The following B4GALNT3 variants were observed in gnomAD, a reference collection of about 807,000 sequenced individuals.
B4GALNT3 encodes beta-1,4-N-acetylgalactosaminyltransferase 3.
A neutral mutation model predicts 120.2 loss-of-function variants in B4GALNT3; 86 were observed. The observed-to-expected ratio is 0.72, with a 90% CI of 0.60 to 0.86. The LOEUF (loss-of-function observed/expected upper bound fraction) is 0.86. Among genes scored for constraint, B4GALNT3 ranks in the 40% least tolerant of loss-of-function variants. B4GALNT3 has a pLI of 0.00. For missense variants in B4GALNT3, 1,167 were observed against 1,298.9 expected, an observed-to-expected ratio of 0.90 and a Z score of 1.56; for synonymous variants, 518 against 510.4, an observed-to-expected ratio of 1.01 and a Z score of -0.20.
chr12:526,704 GATA>G (rs138806180), intron 1 of B4GALNT3, among the ~76,000 whole-genome samples: 1,791 of 152,234 alleles, frequency 0.012, 41 homozygotes, highest in African/African-American at 0.041. Flanking sequence ...TGATGATGAT[GATA>G]ATGATGATAT....
At chr12:511,735 C>A in intron 1 of B4GALNT3, among the ~76,000 whole-genome samples, 1 of 60,246 alleles carries the variant, frequency 1.7e-5, no homozygotes, top group Non-Finnish European at 2.7e-5. Flanking sequence ...ACCTTCCTTC[C>A]ACCTTCCACC....
chr12:480,535 C>T (rs1201188594), intron 1 of B4GALNT3, among the ~76,000 whole-genome samples: 1 of 15,702 alleles, frequency 6.4e-5, no homozygotes, highest in Non-Finnish European at 3.0e-4. Context: ...ATGCATTGGC[C>T]TTAGCACTGG....
chr12:558,473 C>T (rs1277864864), intron 17 of B4GALNT3, 35 bp from the exon 18 acceptor site: 6 of 1,605,464 alleles, frequency 3.7e-6, no homozygotes, highest in South Asian at 1.1e-5. Flanking sequence ...CTCTGGTCTG[C>T]AGGGTCTGCT....
At chr12:476,577 C>T (rs528093882) in intron 1 of B4GALNT3, among the ~76,000 whole-genome samples, 3 of 152,176 alleles carry the variant, frequency 2.0e-5, no homozygotes, top group Non-Finnish European at 4.4e-5. Context: ...CGCCACTGCA[C>T]CCCAGCCTGG....
chr12:510,838 C>T (rs1028973329), intron 1 of B4GALNT3, among the ~76,000 whole-genome samples: 1 of 151,848 alleles, frequency 6.6e-6, no homozygotes, highest in Non-Finnish European at 1.5e-5. Flanking sequence ...TCTGAGTATT[C>T]GATTCACTGG....
At chr12:466,592 G>A (rs1319910308) in intron 1 of B4GALNT3, among the ~76,000 whole-genome samples, 4 of 152,114 alleles carry the variant, frequency 2.6e-5, no homozygotes, top group Admixed American at 6.5e-5. Flanking sequence ...GAGAATAGTC[G>A]GATAGTGGCT....
Position 549,208 on chromosome 12 carries a change from C to G in B4GALNT3, c.854-561C>G, listed in dbSNP as rs1007538664. On this transcript the variant is annotated intron_variant, in intron 9 of 19. Transcript: ENST00000266383. Reference sequence around the variant, plus strand: ...AAAGAAGCAGCCAGCCCCCCACCCCCCTTCTCTGTGGCTGCTTTAACCTGG... The same window carrying G: ...AAAGAAGCAGCCAGCCCCCCACCCCGCTTCTCTGTGGCTGCTTTAACCTGG... Among the ~76,000 whole-genome samples the G allele has an allele frequency of 9.2e-5, 14 of 152,292 alleles. No individual in the cohort carries two copies. The East Asian group carries it at 9.6e-4, about 10-fold the overall frequency.
chr12:557,820 G>T (rs938170037), intron 16 of B4GALNT3, 59 bp downstream of exon 16: 16 of 1,553,042 alleles, frequency 1.0e-5, no homozygotes, highest in Admixed American at 2.0e-5. Context: ...AAGTCCTAGG[G>T]CTGCTGGGTC....
rs1438605265 is a variant in B4GALNT3 at position 557,653 on chromosome 12, A to G, written c.2426A>G (p.Glu809Gly). ...GTACAGCAATTCATCAAAGACATGG[A>G]AAACCTGTTCCAGGTCACCGGTGAC... The part of the protein sequence containing the change: ...RWVQQFIKDM[E>G]NLFQVTGDPH... The change falls in exon 16 of 20, where the codon GAA (glutamate) becomes GGA (glycine). Residue 809 changes from glutamate (E) to glycine (G), a missense_variant. Physicochemically the swap from Glu to Gly is moderately conservative, Grantham distance 98. This residue lies in a region of B4GALNT3 where 983 missense variants were observed against 1,102.5 expected (regional missense o/e 0.89). Transcript: ENST00000266383. 1.2e-6 allele frequency: 2 copies of G among 1,611,942 alleles called. No homozygotes were observed. The highest frequency in any genetic ancestry group is 1.3e-5 in the African/African-American group (1 of 74,938).
intron 1 of B4GALNT3, among the ~76,000 whole-genome samples, chr12:464,675 G>A (rs1226266538): frequency 1.3e-5 from 2 of 152,058 alleles, no homozygotes; most frequent in African/African-American, 4.8e-5. Flanking sequence ...TCAGAGCCAA[G>A]GGATGACATT....
At chr12:541,959 A>T (rs1464734751) in intron 3 of B4GALNT3, among the ~76,000 whole-genome samples, 1 of 151,364 alleles carries the variant, frequency 6.6e-6, no homozygotes, top group East Asian at 1.9e-4. Flanking sequence ...TCTCCTAGGG[A>T]GGGGGCAGAA....
chr12:463,998 T>C (rs944019801), intron 1 of B4GALNT3, among the ~76,000 whole-genome samples: 2 of 152,168 alleles, frequency 1.3e-5, no homozygotes, highest in Admixed American at 6.5e-5. Flanking sequence ...AACAATACTT[T>C]TGGTGTGGCA....
intron 19 of B4GALNT3, among the ~76,000 whole-genome samples, chr12:560,870 C>G (rs1268177113): frequency 6.6e-6 from 1 of 152,190 alleles, no homozygotes; most frequent in Non-Finnish European, 1.5e-5. Context: ...CACAAAAGGC[C>G]TGGGGAGGGC....
intron 3 of B4GALNT3, 85 bp downstream of exon 3, chr12:536,380 C>A (rs1946860305): frequency 8.9e-7 from 1 of 1,119,056 alleles, no homozygotes. Flanking sequence ...AGAAAACTTT[C>A]TACTAGGGAC....
At chr12:511,445 CCTTCCACCTT>C (rs1193046223) in intron 1 of B4GALNT3, among the ~76,000 whole-genome samples, 3 of 73,600 alleles carry the variant, frequency 4.1e-5, no homozygotes, top group East Asian at 4.8e-4. Context: ...CCACCTTCCA[CCTTCCACCTT>C]CTTCCACCTT....
intron 1 of B4GALNT3, among the ~76,000 whole-genome samples, chr12:463,123 T>C (rs1205144582): frequency 6.6e-6 from 1 of 152,096 alleles, no homozygotes; most frequent in Non-Finnish European, 1.5e-5. Context: ...GCCAACTCAC[T>C]CCACCACCCA....
At chr12:498,883 T>G (rs1946414595) in intron 1 of B4GALNT3, among the ~76,000 whole-genome samples, 1 of 152,356 alleles carries the variant, frequency 6.6e-6, no homozygotes. Flanking sequence ...GCCAGCAGAC[T>G]GTGGCCTCAC....
At position 553,331 on chromosome 12, in the gene B4GALNT3, T is replaced by G. The variant is rs753477715; in HGVS notation, c.1408T>G (p.Tyr470Asp). 3 of 1,613,720 alleles carry G rather than the reference T, an allele frequency of 1.9e-6. No homozygotes were observed. The African/African-American group carries it at 4.0e-5, about 22-fold the overall frequency. The change falls in exon 14 of 20, where the codon TAC becomes GAC. Residue 470 changes from tyrosine (Y) to aspartate (D), a missense_variant. By Grantham distance (160) the Tyr-to-Asp change is radical. This residue lies in a region of B4GALNT3 where 983 missense variants were observed against 1,102.5 expected (regional missense o/e 0.89). Coordinates refer to ENST00000266383, the MANE Select transcript of B4GALNT3 (RefSeq NM_173593.4). ...CACCCTGGAGCAAGATGCCACTGAC[T>G]ACCGCCTCCGAAGCCTGCGGAAACT... ...ASTLEQDATDYRLRSLRKLLA... is the reference protein window; with the variant it reads ...ASTLEQDATDDRLRSLRKLLA...
At position 562,637 on chromosome 12, in the gene B4GALNT3, G is replaced by C; in HGVS notation, c.*1186G>C. The stretch of plus-strand genomic sequence containing the variant: ...GGGGGCAGGAGGAACTGAAGAGGGG[G>C]GCAGTTTCAGGGAAAATAGCCCTTA... On this transcript the variant is annotated 3_prime_UTR_variant, in exon 20 of 20. Coordinates refer to ENST00000266383, the MANE Select transcript of B4GALNT3 (RefSeq NM_173593.4). This position sits in a 1 kb window ranked among gnomAD's most constrained non-coding sequence, Gnocchi z 5.2. 1 of 152,066 alleles carries C rather than the reference G, an allele frequency of 6.6e-6. No homozygotes were observed. Among genetic ancestry groups the C allele is most frequent in the Non-Finnish European group, 1.5e-5 (1 of 68,082 alleles). The allele number at this position is 152,066 out of a possible 1,614,324, so 9.4% of individuals were successfully genotyped here. A position where few individuals can be genotyped will look rare whatever the true frequency, so the allele number is the denominator to read the frequency against.
Sources: allele counts gnomAD v4.1 joint callset (sites outside exome capture counted in the v4.1 genomes callset), GRCh38; gene constraint gnomAD v4.1.1; regional missense constraint gnomAD v4.1.1; non-coding constraint Gnocchi (gnomAD v3.1); transcripts MANE v1.5; gene names NCBI Gene and HGNC (gene_info 2026-07-23, HGNC 2026-07-21).